Variants in GRIK2 observed in about 807,000 individuals in gnomAD.
GRIK2 encodes glutamate ionotropic receptor kainate type subunit 2, also known as glutamate receptor ionotropic, kainate 2.
In GRIK2, 32 loss-of-function variants were observed where a neutral mutation model predicts 100.3. The observed-to-expected ratio is 0.32, with a 90% CI of 0.24 to 0.43. The LOEUF (loss-of-function observed/expected upper bound fraction) is 0.43, where lower values mean the gene tolerates loss of function less well. Ranked by LOEUF, GRIK2 falls within the 20% of genes least tolerant of loss-of-function variation. The pLI, the probability that GRIK2 is intolerant of heterozygous loss-of-function variation, is 1.00. For missense variants in GRIK2, 843 were observed against 1,114.9 expected, an observed-to-expected ratio of 0.76 and a Z score of 3.47; for synonymous variants, 417 against 389.4, an observed-to-expected ratio of 1.07 and a Z score of -0.83.
chr6:101,685,045 T>C (rs1771578578), intron 6 of GRIK2, among the ~76,000 whole-genome samples: 1 of 152,142 alleles, frequency 6.6e-6, no homozygotes, highest in South Asian at 2.1e-4. Flanking sequence ...GGGTAGCATG[T>C]TCTGAGCCTC....
chr6:101,968,345 C>T (rs1411111762), intron 14 of GRIK2, among the ~76,000 whole-genome samples: 1 of 151,894 alleles, frequency 6.6e-6, no homozygotes, highest in Non-Finnish European at 1.5e-5. Flanking sequence ...AGTTATATTT[C>T]CTACAGAGTT....
At chr6:101,922,440 T>C (rs190168168) in intron 12 of GRIK2, among the ~76,000 whole-genome samples, 9 of 152,294 alleles carry the variant, frequency 5.9e-5, no homozygotes, top group Admixed American at 5.9e-4. Flanking sequence ...AATCTAGCTT[T>C]TATAGACCAG....
chr6:102,027,632 TC>T lies in GRIK2; in HGVS notation c.2086-7707del, dbSNP rs538853417. On this transcript the variant is annotated intron_variant, in intron 14 of 16. Coordinates refer to ENST00000369134, the MANE Select transcript of GRIK2 (RefSeq NM_021956.5). ...TAAATTTCATTCATGGAGAAACCTT[TC>T]CTGTAGAACATACTTAAAAAGTTAA... Among the ~76,000 whole-genome samples, 324 of 151,304 alleles carry T rather than the reference TC, an allele frequency of 2.1e-3. 4 individuals are homozygous for T. The highest frequency in any genetic ancestry group is 0.017 in the South Asian group (84 of 4,824).
chr6:101,449,499 C>T lies in GRIK2; in HGVS notation c.115+50107C>T, dbSNP rs1351356442. 2.6e-5 allele frequency among the ~76,000 whole-genome samples: 4 copies of T among 151,638 alleles called. 1 individual carries two copies. In the East Asian group the frequency reaches 7.8e-4, roughly 29 times the overall value. On this transcript the variant is annotated intron_variant, in intron 2 of 16. Coordinates refer to ENST00000369134, the MANE Select transcript of GRIK2 (RefSeq NM_021956.5). ...TAATTTATTTAATATAAATTTTACA[C>T]AACAAGGGAGGCTTTGGAAATGAAA...
intron 2 of GRIK2, among the ~76,000 whole-genome samples, chr6:101,437,677 A>G (rs1231656229): frequency 6.6e-6 from 1 of 152,086 alleles, no homozygotes; most frequent in African/African-American, 2.4e-5. Context: ...GTATAATACT[A>G]CTTATTTTCC....
intron 2 of GRIK2, among the ~76,000 whole-genome samples, chr6:101,415,935 C>T (rs868087029): frequency 4.6e-5 from 7 of 152,096 alleles, no homozygotes; most frequent in East Asian, 1.9e-4. Flanking sequence ...AGATAAAATG[C>T]GCAAAGTACT....
intron 12 of GRIK2, among the ~76,000 whole-genome samples, chr6:101,904,379 A>T (rs889793135): frequency 2.0e-5 from 3 of 151,508 alleles, no homozygotes; most frequent in Admixed American, 1.3e-4. Context: ...TTTTAAAAAA[A>T]TTACTGAAAC....
At position 102,055,456 on chromosome 6, in the gene GRIK2, G is replaced by C. The variant is rs764510758; in HGVS notation, c.2438G>C (p.Ser813Thr). 6.2e-7 allele frequency: 1 copy of C among 1,613,846 alleles called. No homozygotes were observed. Among genetic ancestry groups the C allele is most frequent in the Non-Finnish European group, 8.5e-7 (1 of 1,179,824 alleles). The change falls in exon 16 of 17, where the codon AGT becomes ACT. Residue 813 changes from serine to threonine, a missense_variant. Ser to Thr is a moderately conservative substitution (Grantham distance 58). This residue lies in a region of GRIK2 where 237 missense variants were observed against 388.0 expected (regional missense o/e 0.61). Transcript: ENST00000369134. ...CCAGAAGAGGAGAGCAAAGAGGCCA[G>C]TGCCCTGGGGGTTCAGAATATTGGT... ...GCPEEESKEA[S>T]ALGVQNIGGI...
At chr6:101,776,727 T>C (rs568264244) in intron 7 of GRIK2, among the ~76,000 whole-genome samples, 1 of 152,334 alleles carries the variant, frequency 6.6e-6, no homozygotes, top group South Asian at 2.1e-4. Flanking sequence ...ATGTACTCAA[T>C]TTTTTATTTT....
At chr6:101,504,236 A>G (rs1183386193) in intron 2 of GRIK2, among the ~76,000 whole-genome samples, 1 of 152,112 alleles carries the variant, frequency 6.6e-6, no homozygotes, top group African/African-American at 2.4e-5. Flanking sequence ...TTAAAATCGT[A>G]TGTTTAAACA....
chr6:101,780,142 G>GA (rs1459988031), intron 7 of GRIK2, among the ~76,000 whole-genome samples: 1 of 152,002 alleles, frequency 6.6e-6, no homozygotes, highest in Non-Finnish European at 1.5e-5. Flanking sequence ...AAAAAGACAA[G>GA]ATTTGACTTA....
At chr6:101,911,472 T>G (rs1788687672) in intron 12 of GRIK2, among the ~76,000 whole-genome samples, 1 of 151,710 alleles carries the variant, frequency 6.6e-6, no homozygotes, top group East Asian at 1.9e-4. Context: ...TATCTGCTAC[T>G]GGTTCAGAAT....
At chr6:101,483,207 T>TG (rs1012547259) in intron 2 of GRIK2, among the ~76,000 whole-genome samples, 2 of 152,206 alleles carry the variant, frequency 1.3e-5, no homozygotes, top group Non-Finnish European at 2.9e-5. Context: ...GAGCTTATAG[T>TG]GGGGTATTCA....
intron 14 of GRIK2, among the ~76,000 whole-genome samples, chr6:101,940,922 C>A (rs1405638041): frequency 6.6e-6 from 1 of 151,958 alleles, no homozygotes; most frequent in African/African-American, 2.4e-5. Context: ...GACATTTTTG[C>A]AATAAACTTA....
chr6:101,506,742 A>G (rs1415942028), intron 2 of GRIK2, among the ~76,000 whole-genome samples: 2 of 152,174 alleles, frequency 1.3e-5, no homozygotes, highest in Non-Finnish European at 2.9e-5. Context: ...TCAGCTATGC[A>G]TAAACCTATA....
At chr6:101,769,812 C>T (rs1778285061) in intron 7 of GRIK2, among the ~76,000 whole-genome samples, 2 of 152,036 alleles carry the variant, frequency 1.3e-5, no homozygotes, top group Admixed American at 1.3e-4. Context: ...AAACTATGCA[C>T]ATAGTTAGGG....
At chr6:101,435,324 C>T (rs1769650206) in intron 2 of GRIK2, among the ~76,000 whole-genome samples, 1 of 151,868 alleles carries the variant, frequency 6.6e-6, no homozygotes, top group Non-Finnish European at 1.5e-5. Flanking sequence ...CTCTGTCCTG[C>T]TTAAACCATG....
At chr6:101,627,773 T>A (rs929050645) in intron 4 of GRIK2, among the ~76,000 whole-genome samples, 1 of 152,208 alleles carries the variant, frequency 6.6e-6, no homozygotes, top group Admixed American at 6.5e-5. Flanking sequence ...GTTAAAGGAA[T>A]ATTTTAATAA....
rs566753566 is a variant in GRIK2, at chr6:101,715,078, AT to A, written c.951+28726del. ...ACCATATAAAATACCACAAAAAAAA[AT>A]ATAGGCTTTGCCTGAAGTGTTATAA... On this transcript the variant is annotated intron_variant, in intron 7 of 16. Coordinates refer to ENST00000369134, the MANE Select transcript of GRIK2 (RefSeq NM_021956.5). 9.7e-4 allele frequency among the ~76,000 whole-genome samples: 147 copies of A among 151,910 alleles called. 2 individuals carry two copies. Among genetic ancestry groups the A allele is most frequent in the Middle Eastern group, 3.4e-3 (1 of 294 alleles).
Sources: allele counts gnomAD v4.1 joint callset (sites outside exome capture counted in the v4.1 genomes callset), GRCh38; gene constraint gnomAD v4.1.1; regional missense constraint gnomAD v4.1.1; transcripts MANE v1.5; gene names NCBI Gene and HGNC (gene_info 2026-07-23, HGNC 2026-07-21).